TNS1: variants seen among roughly 807,000 people sequenced by gnomAD.
TNS1 encodes the protein tensin-1.
TNS1 carries 62 observed loss-of-function variants against 168.6 expected under a neutral mutation model. That is an observed-to-expected ratio of 0.37 (90% CI 0.30 to 0.45). TNS1 has a LOEUF of 0.45. Ranked by LOEUF, TNS1 falls within the 20% of genes least tolerant of loss-of-function variation. The probability of loss-of-function intolerance (pLI) is 1.00; values close to 1 mark genes in which losing one functional copy is unlikely to be tolerated. For synonymous variants in TNS1, 934 were observed against 933.2 expected (o/e 1.00, Z -0.02); for missense variants, 2,240 against 2,339.4 (o/e 0.96, Z 0.88).
chr2:218,014,220 C>A (rs1958736596), upstream of TNS1, among the ~76,000 whole-genome samples: 1 of 152,200 alleles, frequency 6.6e-6, no homozygotes, highest in Non-Finnish European at 1.5e-5. Context: ...CACCCACAGA[C>A]AGATGCACAG....
chr2:217,961,091 A>G (rs1467634038), intron 3 of TNS1, among the ~76,000 whole-genome samples: 1 of 151,840 alleles, frequency 6.6e-6, no homozygotes, highest in East Asian at 1.9e-4. Context: ...GGAAAGCCAC[A>G]TACTCCCTCT....
rs78574072 is a variant in TNS1, at chr2:217,815,733, C to G, written c.4643-735G>C. ...TGGCCTAAAACACTTGCTTCTAGAA[C>G]CTTTCTCCACAGGTTCAGTTTCTCA... On this transcript the variant is annotated intron_variant, in intron 24 of 32. Coordinates refer to ENST00000682258, the MANE Select transcript of TNS1 (RefSeq NM_001387777.1). Among the ~76,000 whole-genome samples the G allele has an allele frequency of 2.8e-3, 423 of 152,312 alleles. 2 individuals are homozygous for G. The highest frequency in any genetic ancestry group is 9.8e-3 in the African/African-American group (408 of 41,584).
At chr2:217,916,654 C>T (rs1234127599) in intron 4 of TNS1, among the ~76,000 whole-genome samples, 3 of 152,318 alleles carry the variant, frequency 2.0e-5, no homozygotes, top group African/African-American at 7.2e-5. Flanking sequence ...CCTTGGGCAA[C>T]ATCTGTTGAG....
At chr2:218,030,155 C>T (rs1286694043) in intron 1 of TNS1, among the ~76,000 whole-genome samples, 7 of 152,146 alleles carry the variant, frequency 4.6e-5, no homozygotes, top group Non-Finnish European at 2.9e-5. Flanking sequence ...CATATACACA[C>T]AGCATGTGTG....
At chr2:217,956,258 C>A (rs555154743) in intron 3 of TNS1, among the ~76,000 whole-genome samples, 2 of 152,262 alleles carry the variant, frequency 1.3e-5, no homozygotes, top group East Asian at 3.9e-4. Context: ...CCACCTCAGC[C>A]TCCTAAAGTG....
intron 3 of TNS1, among the ~76,000 whole-genome samples, chr2:217,967,972 C>T (rs550758849): frequency 1.2e-4 from 18 of 152,090 alleles, no homozygotes; most frequent in Non-Finnish European, 2.4e-4. Context: ...TGGGACTTAT[C>T]CCAGGAATGA....
chr2:217,852,570 T>G (rs1198829233), intron 18 of TNS1, among the ~76,000 whole-genome samples: 1 of 152,166 alleles, frequency 6.6e-6, no homozygotes, highest in East Asian at 1.9e-4. Flanking sequence ...CTGCAGCATC[T>G]CAGTCATGAC....
chr2:217,886,174 G>A, intron 13 of TNS1, 70 bp from the exon 14 acceptor site: 3 of 1,522,436 alleles, frequency 2.0e-6, no homozygotes, highest in Non-Finnish European at 2.7e-6. Flanking sequence ...AGGAGACAGT[G>A]AAGGGAGAAA....
chr2:217,954,708 C>A (rs1406330112), intron 3 of TNS1, among the ~76,000 whole-genome samples: 1 of 152,162 alleles, frequency 6.6e-6, no homozygotes, highest in Non-Finnish European at 1.5e-5. Context: ...GCCCCAGCAG[C>A]CCTTCCTGCC....
chr2:217,832,676 C>T (rs1944608147), intron 21 of TNS1, among the ~76,000 whole-genome samples: 1 of 152,112 alleles, frequency 6.6e-6, no homozygotes, highest in African/African-American at 2.4e-5. Flanking sequence ...TGAAAAAATA[C>T]ACTCTCTCTC....
chr2:217,876,237 G>A (rs1259648191), intron 18 of TNS1, among the ~76,000 whole-genome samples: 2 of 152,154 alleles, frequency 1.3e-5, no homozygotes, highest in African/African-American at 2.4e-5. Context: ...GCTTGCTTCC[G>A]AGAAGGCTTG....
chr2:217,881,986 A>C (rs1369826138), intron 17 of TNS1: 1 of 191,406 alleles, frequency 5.2e-6, no homozygotes, highest in Non-Finnish European at 1.1e-5. Context: ...GAATCACCTC[A>C]GTTCTCATAA....
upstream of TNS1, among the ~76,000 whole-genome samples, chr2:218,012,875 GT>G (rs1958717901): frequency 6.6e-6 from 1 of 152,126 alleles, no homozygotes; most frequent in African/African-American, 2.4e-5. Context: ...GAGTGGGAGA[GT>G]TGGGTGGGGG....
At chr2:217,884,320 T>C (rs535677100) in intron 16 of TNS1, among the ~76,000 whole-genome samples, 3 of 152,080 alleles carry the variant, frequency 2.0e-5, no homozygotes, top group Non-Finnish European at 2.9e-5. Flanking sequence ...GACGGATGGA[T>C]GAATGGATGG....
At position 217,849,071 on chromosome 2, in the gene TNS1, C is replaced by T. The variant is rs369926575; in HGVS notation, c.1446G>A (p.Thr482=). ...DDGMEEVVGH[T]QGPLDGSLYA... ...ACAGGCTCCCATCTAGTGGCCCCTG[C>T]GTGTGTCCCACCACCTCTGCAAGGG... The change falls in exon 19 of 33, where the codon ACG becomes ACA. Residue 482 remains threonine, a synonymous_variant. Coordinates refer to ENST00000682258, the MANE Select transcript of TNS1 (RefSeq NM_001387777.1). 5.0e-5 allele frequency: 81 copies of T among 1,611,366 alleles called. No homozygotes were observed. In the Middle Eastern group the frequency reaches 5.6e-4, roughly 11 times the overall value.
chr2:217,915,453 C>A (rs1009805469), intron 4 of TNS1, among the ~76,000 whole-genome samples: 15 of 152,214 alleles, frequency 9.9e-5, no homozygotes, highest in Admixed American at 3.9e-4. Flanking sequence ...GAAGCACTGA[C>A]AACTGTGGCA....
At chr2:217,816,508 A>C (rs920369418) in intron 24 of TNS1, among the ~76,000 whole-genome samples, 2 of 152,146 alleles carry the variant, frequency 1.3e-5, no homozygotes, top group Non-Finnish European at 2.9e-5. Flanking sequence ...GTGCTAAGGA[A>C]GGTCTCTGGG....
intron 18 of TNS1, among the ~76,000 whole-genome samples, chr2:217,865,952 C>G (rs1006596409): frequency 2.6e-5 from 4 of 152,220 alleles, no homozygotes; most frequent in Admixed American, 6.5e-5. Context: ...GCCATGGTCA[C>G]TCATCCTACC....
Position 217,886,685 on chromosome 2 carries a change from G to A in TNS1, c.867-39C>T, listed in dbSNP as rs767610691. On this transcript the variant is annotated intron_variant, in intron 12 of 32. Transcript: ENST00000682258. ...AGAAGCAGCTTCAGGGAGTGAGGTG[G>A]GTACTGGTGCAGTAATCCCTGTTCT... The A allele has an allele frequency of 4.8e-6, 7 of 1,444,210 alleles. 1 individual carries two copies. The South Asian group carries it at 8.5e-5, about 18-fold the overall frequency. The allele number at this position is 1,444,210 out of a possible 1,614,324, so 89.5% of individuals were successfully genotyped here.
Sources: gnomAD v4.1 joint callset for allele counts (sites outside exome capture counted in the v4.1 genomes callset) on GRCh38, gnomAD v4.1.1 for gene constraint, MANE v1.5 for transcripts, NCBI Gene and HGNC (gene_info 2026-07-23, HGNC 2026-07-21) for gene names.